The following BLTP2 variants were observed in gnomAD, a reference collection of about 807,000 sequenced individuals.
The protein encoded by BLTP2 is U937-associated antigen.
the BLTP2 span, chr17:28,637,230 T>C: frequency 7.7e-7 from 1 of 1,304,796 alleles, no homozygotes; most frequent in African/African-American, 1.5e-5. Flanking sequence ...ACAATAGTCC[T>C]CACTCGCCTT....
chr17:28,626,694 C>G, the BLTP2 span, among the ~76,000 whole-genome samples: 1 of 152,230 alleles, frequency 6.6e-6, no homozygotes, highest in African/African-American at 2.4e-5. Context: ...GTTTGGAGAG[C>G]TTCTGGATAG....
chr17:28,624,212 T>C, the BLTP2 span: 3 of 1,610,150 alleles, frequency 1.9e-6, no homozygotes, highest in South Asian at 2.2e-5. Context: ...GATGTTGAGG[T>C]AACTTGTAAA....
the BLTP2 span, among the ~76,000 whole-genome samples, chr17:28,622,608 T>C: frequency 6.6e-6 from 1 of 152,222 alleles, no homozygotes; most frequent in African/African-American, 2.4e-5. Context: ...GCATATCTCA[T>C]AATCAATAGA....
the BLTP2 span, chr17:28,620,157 G>A: frequency 1.3e-6 from 1 of 746,676 alleles, no homozygotes. Flanking sequence ...AGCAACAGTA[G>A]TAGGTCAATG....
At chr17:28,632,671 A>T in the BLTP2 span, among the ~76,000 whole-genome samples, 1 of 151,984 alleles carries the variant, frequency 6.6e-6, no homozygotes, top group Non-Finnish European at 1.5e-5. Flanking sequence ...GCTCTTTTTG[A>T]TCTTCGACTT....
the BLTP2 span, chr17:28,644,139 C>A: frequency 6.2e-7 from 1 of 1,614,256 alleles, no homozygotes. Flanking sequence ...TTAGCTCCGC[C>A]TGCAGCTTCC....
chr17:28,624,216 T>C, the BLTP2 span: 14 of 1,611,652 alleles, frequency 8.7e-6, no homozygotes, highest in African/African-American at 1.3e-5. Flanking sequence ...TTGAGGTAAC[T>C]TGTAAAGAGA....
At chr17:28,615,829 A>C in the BLTP2 span, 1 of 1,612,368 alleles carries the variant, frequency 6.2e-7, no homozygotes, top group East Asian at 2.2e-5. Flanking sequence ...GAAAGAAAAA[A>C]AGAGGGGTGG....
At chr17:28,629,706 T>G in the BLTP2 span, among the ~76,000 whole-genome samples, 1 of 152,174 alleles carries the variant, frequency 6.6e-6, no homozygotes, top group Admixed American at 6.5e-5. Context: ...CTCAAACTCC[T>G]GACCTCAAAT....
chr17:28,639,981 C>T, the BLTP2 span: 16 of 1,613,898 alleles, frequency 9.9e-6, no homozygotes, highest in Middle Eastern at 3.3e-4. Flanking sequence ...ATCCTCATCA[C>T]GGTGGTACAG....
At chr17:28,624,442 T>G in the BLTP2 span, 4 of 1,532,234 alleles carry the variant, frequency 2.6e-6, no homozygotes, top group African/African-American at 4.1e-5. Flanking sequence ...AGGGAAAGAC[T>G]TTTCCCTTTC....
At chr17:28,636,642 T>A in the BLTP2 span, among the ~76,000 whole-genome samples, 1 of 152,224 alleles carries the variant, frequency 6.6e-6, no homozygotes, top group Non-Finnish European at 1.5e-5. Flanking sequence ...CTCTCTAGTT[T>A]TGTATGTATT....
At chr17:28,633,167 C>T in the BLTP2 span, 2 of 1,583,182 alleles carry the variant, frequency 1.3e-6, no homozygotes, top group Non-Finnish European at 1.7e-6. Flanking sequence ...TCATACCTGC[C>T]TCACAATGGA....
chr17:28,631,714 A>G, the BLTP2 span: 1 of 1,611,464 alleles, frequency 6.2e-7, no homozygotes, highest in Non-Finnish European at 8.5e-7. Context: ...GACCATGCTG[A>G]CCAGTTCAGA....
the BLTP2 span, chr17:28,642,808 G>A: frequency 1.1e-6 from 1 of 869,744 alleles, no homozygotes; most frequent in Non-Finnish European, 2.0e-6. Context: ...TGATAAGGAG[G>A]CCCTGAAGCA....
At chr17:28,633,564 G>A in the BLTP2 span, 4 of 1,613,952 alleles carry the variant, frequency 2.5e-6, no homozygotes, top group East Asian at 4.5e-5. Context: ...TGGCCAGCTG[G>A]TGCAGGTTCG....
At chr17:28,645,128 A>G in the BLTP2 span, 1 of 1,330,162 alleles carries the variant, frequency 7.5e-7, no homozygotes, top group African/African-American at 1.6e-5. Flanking sequence ...TCCGCGCAGC[A>G]CCGCCGCGGG....
the BLTP2 span, chr17:28,615,832 A>G: frequency 8.1e-6 from 13 of 1,610,380 alleles, no homozygotes; most frequent in Non-Finnish European, 8.5e-6. Context: ...AGAAAAAAAG[A>G]GGGGTGGGGA....
At chr17:28,643,359 G>A in the BLTP2 span, 6 of 1,607,608 alleles carry the variant, frequency 3.7e-6, no homozygotes, top group South Asian at 6.6e-5. Flanking sequence ...CCCTCCCATA[G>A]CAGTCTATTC....
Sources: gnomAD v4.1 joint callset for allele counts (sites outside exome capture counted in the v4.1 genomes callset) on GRCh38, gnomAD v4.1.1 for gene constraint, MANE v1.5 for transcripts, NCBI Gene and HGNC (gene_info 2026-07-23, HGNC 2026-07-21) for gene names.